The following ADCY7 variants were observed in gnomAD, a reference collection of about 807,000 sequenced individuals.
ADCY7 encodes the protein adenylate cyclase type 7.
A neutral mutation model predicts 120.6 loss-of-function variants in ADCY7; 72 were observed. The ratio of observed to expected loss-of-function variants is 0.60; its 90% CI spans 0.49 to 0.73. The LOEUF is 0.73. Among genes scored for constraint, ADCY7 ranks in the 30% least tolerant of loss-of-function variants. The pLI, the probability that ADCY7 is intolerant of heterozygous loss-of-function variation, is 0.00. For missense variants in ADCY7, 1,227 were observed against 1,486.0 expected (o/e 0.83, Z 2.87); for synonymous variants, 661 against 628.0 (o/e 1.05, Z -0.78).
At chr16:50,277,885 T>G (rs1567541559) in intron 1 of ADCY7, among the ~76,000 whole-genome samples, 1 of 152,036 alleles carries the variant, frequency 6.6e-6, no homozygotes, top group Non-Finnish European at 1.5e-5. Context: ...TTAGCCAGGA[T>G]GGTCTCGATC....
At chr16:50,250,476 A>AC (rs1567525185) in intron 1 of ADCY7, among the ~76,000 whole-genome samples, 5 of 150,392 alleles carry the variant, frequency 3.3e-5, no homozygotes, top group Admixed American at 6.8e-5. Flanking sequence ...AAAAAAAAAA[A>AC]AAACCTAAAA....
chr16:50,253,000 G>A (rs975659809), intron 1 of ADCY7, among the ~76,000 whole-genome samples: 7 of 152,128 alleles, frequency 4.6e-5, no homozygotes, highest in Admixed American at 3.9e-4. Flanking sequence ...TCCTCTAAGG[G>A]GAGTTCTGTC....
intron 20 of ADCY7, 89 bp from the exon 21 acceptor site, chr16:50,311,947 C>G (rs1431626226): frequency 1.3e-6 from 2 of 1,575,138 alleles, no homozygotes. Context: ...CCAAGGACGC[C>G]AGGGACAGAC....
upstream of ADCY7, among the ~76,000 whole-genome samples, chr16:50,244,708 G>A (rs1015745778): frequency 6.6e-6 from 1 of 152,204 alleles, no homozygotes; most frequent in African/African-American, 2.4e-5. Flanking sequence ...CACTGCTGCC[G>A]GGATTCCCAT....
At chr16:50,300,621 C>A in intron 8 of ADCY7, 94 bp from the exon 9 acceptor site, 2 of 1,443,676 alleles carry the variant, frequency 1.4e-6, no homozygotes, top group South Asian at 1.3e-5. Flanking sequence ...CTGCCCTGTT[C>A]CCACATGCTG....
At chr16:50,308,229 A>G (rs1811375999) in intron 15 of ADCY7, 98 bp from the exon 16 acceptor site, 3 of 1,595,252 alleles carry the variant, frequency 1.9e-6, no homozygotes, top group Non-Finnish European at 2.6e-6. Context: ...AATACCAGGT[A>G]GGGTGGGGAC....
Position 50,310,719 on chromosome 16 carries a change from C to T in ADCY7, c.2193C>T (p.Ile731=), listed in dbSNP as rs766457141. 1.1e-5 allele frequency: 17 copies of T among 1,613,994 alleles called. No individual in the cohort carries two copies. Among genetic ancestry groups the T allele is most frequent in the Admixed American group, 6.7e-5 (4 of 60,006 alleles). Residue 731 remains isoleucine (I), a synonymous_variant, in exon 19 of 26, where the codon ATC becomes ATT. Transcript: ENST00000673801. The part of the protein sequence containing the change: ...YYTCSCVLGF[I]ACSVFLRMSL... ...CCTGCAGCTGTGTCCTGGGCTTCAT[C>T]GCCTGCTCGGTCTTCCTGAGGATGA...
chr16:50,263,642 C>T (rs1480418038), upstream of ADCY7, among the ~76,000 whole-genome samples: 1 of 152,050 alleles, frequency 6.6e-6, no homozygotes, highest in African/African-American at 2.4e-5. Context: ...CAGTGGGGAA[C>T]CCCCCTCCTG....
chr16:50,286,866 A>G (rs1428835896), intron 1 of ADCY7, among the ~76,000 whole-genome samples: 1 of 152,202 alleles, frequency 6.6e-6, no homozygotes, highest in Non-Finnish European at 1.5e-5. Flanking sequence ...CCATACCCAG[A>G]GTGAATCGAA....
chr16:50,257,067 T>A (rs562800669), intron 1 of ADCY7, among the ~76,000 whole-genome samples: 1 of 152,238 alleles, frequency 6.6e-6, no homozygotes, highest in African/African-American at 2.4e-5. Flanking sequence ...TACTGCACGA[T>A]CTCACTTATG....
rs77844678 is a variant in ADCY7, at chr16:50,317,894, T to TAACA, written c.*2410_*2413dup. 32,153 of 151,752 alleles carry TAACA rather than the reference T, an allele frequency of 0.21. 3,641 individuals are homozygous for TAACA. Among genetic ancestry groups the TAACA allele is most frequent in the Middle Eastern group, 0.35 (100 of 288 alleles). 9.4% of individuals were successfully genotyped at this position (151,752 alleles called of 1,614,324 possible). On this transcript the variant is annotated 3_prime_UTR_variant, in exon 26 of 26. Transcript: ENST00000673801. ...TTTCTGGCTTATTGAGGAAATTTCC[T>TAACA]AACAAACAAACAAACAAACAAACAG...
rs537411465 is a variant in ADCY7, at chr16:50,317,998, G to T, written c.*2493G>T. 3 of 152,344 alleles carry T rather than the reference G, an allele frequency of 2.0e-5. No individual in the cohort carries two copies. Among genetic ancestry groups the T allele is most frequent in the African/African-American group, 7.2e-5 (3 of 41,464 alleles). 9.4% of individuals were successfully genotyped at this position (152,344 alleles called of 1,614,324 possible). On this transcript the variant is annotated 3_prime_UTR_variant, in exon 26 of 26. Coordinates refer to ENST00000673801, the MANE Select transcript of ADCY7 (RefSeq NM_001114.5). ...AGAAATATGATTTGAGGTGGTGCATGCAAGTAACTAGGGTTTATTCTATAT... is the reference window on the plus strand; with the variant it reads ...AGAAATATGATTTGAGGTGGTGCATTCAAGTAACTAGGGTTTATTCTATAT...
chr16:50,308,897 C>T (rs2036262405), intron 17 of ADCY7, 105 bp downstream of exon 17: 2 of 1,396,890 alleles, frequency 1.4e-6, no homozygotes, highest in South Asian at 1.5e-5. Flanking sequence ...GTCCTCTCCC[C>T]CGAGCTCAGC....
At chr16:50,302,530 T>C (rs930137281) in intron 10 of ADCY7, among the ~76,000 whole-genome samples, 1 of 152,094 alleles carries the variant, frequency 6.6e-6, no homozygotes, top group African/African-American at 2.4e-5. Flanking sequence ...AACTGGACAG[T>C]TGTATTTATT....
At chr16:50,245,478 C>T (rs1346586873), upstream of ADCY7, among the ~76,000 whole-genome samples, 4 of 152,172 alleles carry the variant, frequency 2.6e-5, no homozygotes, top group Admixed American at 6.5e-5. Context: ...TTCTTGCTCA[C>T]CCTGTCTGAG....
At chr16:50,264,833 CT>C (rs34527039), upstream of ADCY7, among the ~76,000 whole-genome samples, 34,608 of 110,084 alleles carry the variant, frequency 0.31, 4,391 homozygotes, top group East Asian at 0.54. Context: ...TGTGGGAGGT[CT>C]TTTTTTTTTT....
intron 7 of ADCY7, among the ~76,000 whole-genome samples, chr16:50,295,599 C>T (rs561456333): frequency 1.3e-5 from 2 of 151,936 alleles, no homozygotes; most frequent in African/African-American, 2.4e-5. Flanking sequence ...AAGAAAGCCC[C>T]GTGTGTCCAT....
Position 50,315,028 on chromosome 16 carries a change from C to T in ADCY7, c.2986C>T (p.Pro996Ser). Residue 996 changes from proline to serine, a missense_variant, in exon 25 of 26, where the codon CCT becomes TCT. Around this residue, in one of 5 missense-constraint regions of ADCY7, gnomAD observed 244 missense variants for 332.8 expected, o/e 0.73. Coordinates refer to ENST00000673801, the MANE Select transcript of ADCY7 (RefSeq NM_001114.5). Reference sequence around the variant, plus strand: ...ATCATCTTCAGGCATAAACCATGGGCCTGTGATTGCTGGAGTGATTGGGGC... The same window carrying T: ...ATCATCTTCAGGCATAAACCATGGGTCTGTGATTGCTGGAGTGATTGGGGC... ...FRLRVGINHG[P>S]VIAGVIGARK... The T allele has an allele frequency of 6.2e-7, 1 of 1,614,168 alleles. No individual in the cohort carries two copies. The highest frequency in any genetic ancestry group is 2.2e-5 in the East Asian group (1 of 44,882).
At chr16:50,270,204 T>TAGAC (rs1430589999) in intron 1 of ADCY7, among the ~76,000 whole-genome samples, 9 of 151,730 alleles carry the variant, frequency 5.9e-5, no homozygotes, top group African/African-American at 2.2e-4. Context: ...GATAGATAGA[T>TAGAC]AGATAGATAG....
Sources: gnomAD v4.1 joint callset for allele counts (sites outside exome capture counted in the v4.1 genomes callset) on GRCh38, gnomAD v4.1.1 for gene constraint, gnomAD v4.1.1 regional missense constraint, MANE v1.5 for transcripts, NCBI Gene and HGNC (gene_info 2026-07-23, HGNC 2026-07-21) for gene names.